The following OR51I2 variants were observed in gnomAD, a reference collection of about 807,000 sequenced individuals.
OR51I2 encodes the protein olfactory receptor family 51 subfamily I member 2.
Under a neutral mutation model 9.3 loss-of-function variants are expected in OR51I2, and 6 were observed. The observed-to-expected ratio is 0.64, with a 90% CI of 0.35 to 1.27. The LOEUF is 1.27. Ranked by LOEUF, OR51I2 falls within the 50% of genes most tolerant of loss-of-function variation. OR51I2 has a pLI of 0.03. For missense variants in OR51I2, 489 were observed against 396.4 expected (o/e 1.23, Z -1.98); for synonymous variants, 179 against 143.1 (o/e 1.25, Z -1.79).
At chr11:5,451,129 A>G (rs1302854815) in intron 1 of OR51I2, among the ~76,000 whole-genome samples, 1 of 152,148 alleles carries the variant, frequency 6.6e-6, no homozygotes, top group African/African-American at 2.4e-5. Flanking sequence ...ATAAGTATTC[A>G]TTTTCTTTCT....
Position 5,453,419 on chromosome 11 carries a change from C to A in OR51I2, c.-70C>A. 8.8e-7 allele frequency: 1 copy of A among 1,136,790 alleles called. No individual in the cohort carries two copies. Among genetic ancestry groups the A allele is most frequent in the Non-Finnish European group, 1.2e-6 (1 of 813,478 alleles). The allele number at this position is 1,136,790 out of a possible 1,614,324, so 70.4% of individuals were successfully genotyped here. A position where few individuals can be genotyped will look rare whatever the true frequency, so the allele number is the denominator to read the frequency against. On this transcript the variant is annotated 5_prime_UTR_variant, in exon 2 of 2. Transcript: ENST00000641930. ...TATCTCCTGATTTCTTGTCCTCCAG[C>A]AAGTGCAACTGTTAGAATTCTCCAA...
Position 5,453,496 on chromosome 11 carries a change from T to A in OR51I2, c.8T>A (p.Leu3Ter). ...CCCTAAGTTTGTTTTGCTATGGGGT[T>A]GTTCAATGTCACTCACCCTGCATTC... MG[L>*]FNVTHPAFFL... The change falls in exon 2 of 2, where the codon TTG becomes TAG. Residue 3 changes from leucine to a stop codon, truncating the protein, a stop_gained. Coordinates refer to ENST00000641930, the MANE Select transcript of OR51I2 (RefSeq NM_001004754.3). LOFTEE classifies it low-confidence loss of function (END_TRUNC). 6.5e-7 allele frequency: 1 copy of A among 1,543,454 alleles called. No individual in the cohort carries two copies. The highest frequency in any genetic ancestry group is 8.7e-7 in the Non-Finnish European group (1 of 1,147,706).
At chr11:5,450,511 C>T (rs901317854) in intron 1 of OR51I2, among the ~76,000 whole-genome samples, 2 of 152,172 alleles carry the variant, frequency 1.3e-5, no homozygotes, top group Non-Finnish European at 2.9e-5. Context: ...ACTCCTGACA[C>T]CCTCGGGGTC....
In OR51I2 at chr11:5,456,481, C is replaced by G. The variant is rs572938516; in HGVS notation, c.*2054C>G. On this transcript the variant is annotated 3_prime_UTR_variant, in exon 2 of 2. Coordinates refer to ENST00000641930, the MANE Select transcript of OR51I2 (RefSeq NM_001004754.3). ...TGACCTTGGGTTAAAAACTCTTTAA[C>G]TTCTTTTTATTTAACATAATCTTTT... is the stretch of plus-strand genomic sequence containing the variant. 1.3e-5 allele frequency: 2 copies of G among 152,056 alleles called. No individual in the cohort carries two copies. The highest frequency in any genetic ancestry group is 2.4e-5 in the African/African-American group (1 of 41,400). 9.4% of individuals were successfully genotyped at this position (152,056 alleles called of 1,614,324 possible).
intron 1 of OR51I2, among the ~76,000 whole-genome samples, chr11:5,450,542 T>C (rs1294681199): frequency 6.6e-6 from 1 of 152,200 alleles, no homozygotes; most frequent in African/African-American, 2.4e-5. Flanking sequence ...AACCACCTGG[T>C]TCCTATATGG....
rs374408838 is a variant in OR51I2, at chr11:5,454,293, C to G, written c.805C>G (p.Pro269Ala). ...AGTGCACCGCTTTGGGAAGCATGTCCCATGCTACATACATGTCCTCATGTC... is the reference window on the plus strand; with the variant it reads ...AGTGCACCGCTTTGGGAAGCATGTCGCATGCTACATACATGTCCTCATGTC... ...STVHRFGKHVPCYIHVLMSNV... is the reference protein window; with the variant it reads ...STVHRFGKHVACYIHVLMSNV... The change falls in exon 2 of 2, where the codon CCA becomes GCA. Residue 269 changes from proline to alanine, a missense_variant. Transcript: ENST00000641930. The G allele has an allele frequency of 6.2e-7, 1 of 1,614,056 alleles. No individual in the cohort carries two copies. Among genetic ancestry groups the G allele is most frequent in the Non-Finnish European group, 8.5e-7 (1 of 1,179,930 alleles).
rs59290604 is a variant in OR51I2, at chr11:5,455,585, A to AAGAGAGAGGAGAGAGAGAAAGAGAG, written c.*1165_*1166insGGAGAGAGAGAAAGAGAGAGAGAGA. Reference sequence around the variant, plus strand: ...GGGGGGAGAGAGAGAGAGAAAGAGAAAGAGAGAAAGAGAAAAAGAGAAAGA... The same window carrying AAGAGAGAGGAGAGAGAGAAAGAGAG: ...GGGGGGAGAGAGAGAGAGAAAGAGAAAGAGAGAGGAGAGAGAGAAAGAGAGAGAGAGAAAGAGAAAAAGAGAAAGA... On this transcript the variant is annotated 3_prime_UTR_variant, in exon 2 of 2. Transcript: ENST00000641930. 2.3e-5 allele frequency: 3 copies of AAGAGAGAGGAGAGAGAGAAAGAGAG among 131,094 alleles called. No individual in the cohort carries two copies. Among genetic ancestry groups the AAGAGAGAGGAGAGAGAGAAAGAGAG allele is most frequent in the Admixed American group, 7.6e-5 (1 of 13,216 alleles). 8.1% of individuals were successfully genotyped at this position (131,094 alleles called of 1,614,324 possible).
At position 5,456,029 on chromosome 11, in the gene OR51I2, T is replaced by A. The variant is rs1850953893; in HGVS notation, c.*1602T>A. ...CATATTAGAAGCTCCTATTTCAACA[T>A]GAAATAATAATTTTAATGCTTTGAT... On this transcript the variant is annotated 3_prime_UTR_variant, in exon 2 of 2. Transcript: ENST00000641930. 6.6e-6 allele frequency: 1 copy of A among 152,212 alleles called. No homozygotes were observed. Among genetic ancestry groups the A allele is most frequent in the African/African-American group, 2.4e-5 (1 of 41,452 alleles). 9.4% of individuals were successfully genotyped at this position (152,212 alleles called of 1,614,324 possible). A position where few individuals can be genotyped will look rare whatever the true frequency, so the allele number is the denominator to read the frequency against.
intron 1 of OR51I2, among the ~76,000 whole-genome samples, chr11:5,450,671 G>A (rs1284391792): frequency 1.3e-5 from 2 of 152,076 alleles, no homozygotes; most frequent in East Asian, 3.9e-4. Context: ...ACTTTGTTTA[G>A]GGGTACCTGT....
rs1295463854 is a variant in OR51I2 at position 5,453,769 on chromosome 11, T to C, written c.281T>C (p.Phe94Ser). 2 of 1,614,128 alleles carry C rather than the reference T, an allele frequency of 1.2e-6. No individual in the cohort carries two copies. The highest frequency in any genetic ancestry group is 1.7e-6 in the Non-Finnish European group (2 of 1,180,050). Residue 94 changes from phenylalanine (F) to serine (S), a missense_variant, in exon 2 of 2, where the codon TTT becomes TCT. Coordinates refer to ENST00000641930, the MANE Select transcript of OR51I2 (RefSeq NM_001004754.3). ...TGCCTCAATGCCCGCAACATCACTT[T>C]TGATGCCTGTCTAATTCAGATGTTT... ...TFCLNARNIT[F>S]DACLIQMFLI...
chr11:5,449,516 G>A (rs1377567575), intron 1 of OR51I2, among the ~76,000 whole-genome samples, 152 bp downstream of exon 1: 1 of 152,212 alleles, frequency 6.6e-6, no homozygotes, highest in Non-Finnish European at 1.5e-5. Flanking sequence ...ATGAGCAAAG[G>A]AGCAGGAAAG....
At position 5,454,443 on chromosome 11, in the gene OR51I2, T is replaced by G; in HGVS notation, c.*16T>G. ...CAAAATATGACTTTCACACTTGGCT[T>G]TAGAATCTGTTATTTTGGCCATAGG... On this transcript the variant is annotated 3_prime_UTR_variant, in exon 2 of 2. Transcript: ENST00000641930. 1 of 1,581,748 alleles carries G rather than the reference T, an allele frequency of 6.3e-7. No individual in the cohort carries two copies. The highest frequency in any genetic ancestry group is 8.6e-7 in the Non-Finnish European group (1 of 1,167,058).
At position 5,454,281 on chromosome 11, in the gene OR51I2, G is replaced by C. The variant is rs1284221386; in HGVS notation, c.793G>C (p.Gly265Arg). 8.7e-6 allele frequency: 14 copies of C among 1,614,026 alleles called. No individual in the cohort carries two copies. The highest frequency in any genetic ancestry group is 1.2e-5 in the Non-Finnish European group (14 of 1,180,018). Residue 265 changes from glycine to arginine, a missense_variant, in exon 2 of 2, where the codon GGG becomes CGG. Transcript: ENST00000641930. ...TGGGGTCTCCACAGTGCACCGCTTTGGGAAGCATGTCCCATGCTACATACA... is the reference window on the plus strand; with the variant it reads ...TGGGGTCTCCACAGTGCACCGCTTTCGGAAGCATGTCCCATGCTACATACA... ...MIGVSTVHRF[G>R]KHVPCYIHVL... is the part of the protein sequence containing the mutation.
intron 1 of OR51I2, 35 bp from the exon 2 acceptor site, chr11:5,453,224 A>G: frequency 3.2e-6 from 1 of 307,790 alleles, no homozygotes; most frequent in Non-Finnish European, 5.9e-6. Flanking sequence ...CTATTATTGA[A>G]GTATTTGTCA....
intron 1 of OR51I2, among the ~76,000 whole-genome samples, chr11:5,449,587 G>T (rs1315123408): frequency 1.3e-5 from 2 of 152,178 alleles, no homozygotes; most frequent in South Asian, 4.1e-4. Flanking sequence ...AACCCCAAGC[G>T]ATTCATTGAG....
rs1316149107 is a variant in OR51I2 at position 5,454,265 on chromosome 11, C to T, written c.777C>T (p.Ser259=). 1 of 1,614,204 alleles carries T rather than the reference C, an allele frequency of 6.2e-7. No homozygotes were observed. Among genetic ancestry groups the T allele is most frequent in the Admixed American group, 1.7e-5 (1 of 60,026 alleles). ...TTTATGTGCCAATGATTGGGGTCTCCACAGTGCACCGCTTTGGGAAGCATG... is the reference window on the plus strand; with the variant it reads ...TTTATGTGCCAATGATTGGGGTCTCTACAGTGCACCGCTTTGGGAAGCATG... The part of the protein sequence containing the change: ...LAFYVPMIGV[S]TVHRFGKHVP... Residue 259 remains serine, a synonymous_variant, in exon 2 of 2, where the codon TCC becomes TCT. Coordinates refer to ENST00000641930, the MANE Select transcript of OR51I2 (RefSeq NM_001004754.3).
At chr11:5,452,260 T>C (rs184070954) in intron 1 of OR51I2, among the ~76,000 whole-genome samples, 163 of 152,054 alleles carry the variant, frequency 1.1e-3, no homozygotes, top group Non-Finnish European at 1.5e-3. Flanking sequence ...ATCCCAGCAC[T>C]TTGGGAGGCC....
chr11:5,450,898 C>T (rs748579930), intron 1 of OR51I2, among the ~76,000 whole-genome samples: 1 of 151,932 alleles, frequency 6.6e-6, no homozygotes. Context: ...AGGACATGAC[C>T]TGCATGCTCT....
rs1850933856 is a variant in OR51I2 at position 5,455,300 on chromosome 11, A to C, written c.*873A>C. The C allele has an allele frequency of 6.6e-6, 1 of 152,038 alleles. No individual in the cohort carries two copies. The allele number at this position is 152,038 out of a possible 1,614,324, so 9.4% of individuals were successfully genotyped here. ...TCTTGAGATTTTAACTGTCTTCCAC[A>C]AAATGACATGTTAAGAGATGTTAGA... On this transcript the variant is annotated 3_prime_UTR_variant, in exon 2 of 2. Coordinates refer to ENST00000641930, the MANE Select transcript of OR51I2 (RefSeq NM_001004754.3).
Sources: gnomAD v4.1 joint callset for allele counts (sites outside exome capture counted in the v4.1 genomes callset) on GRCh38, gnomAD v4.1.1 for gene constraint, MANE v1.5 for transcripts, NCBI Gene and HGNC (gene_info 2026-07-23, HGNC 2026-07-21) for gene names.